The following DOCK3 variants were observed in gnomAD, a reference collection of about 807,000 sequenced individuals.
DOCK3 encodes the protein dedicator of cytokinesis 3.
Under a neutral mutation model 265.6 loss-of-function variants are expected in DOCK3, and 60 were observed. That is an observed-to-expected ratio of 0.23 (90% confidence interval 0.18 to 0.28). The LOEUF is 0.28. Ranked by LOEUF, DOCK3 falls within the 10% of genes least tolerant of loss-of-function variation. The probability of loss-of-function intolerance (pLI) is 1.00; values close to 1 mark genes in which losing one functional copy is unlikely to be tolerated. For synonymous variants in DOCK3, 881 were observed against 938.0 expected (o/e 0.94, Z 1.11); for missense variants, 1,981 against 2,594.3 (o/e 0.76, Z 5.14).
chr3:50,719,213 CAT>C (rs1202299358), intron 1 of DOCK3, among the ~76,000 whole-genome samples: 3 of 150,822 alleles, frequency 2.0e-5, no homozygotes, highest in Non-Finnish European at 4.4e-5. Flanking sequence ...TCAAGTTTTA[CAT>C]GTCTATTATA....
intron 7 of DOCK3, among the ~76,000 whole-genome samples, chr3:51,081,317 A>G (rs988095022): frequency 3.9e-5 from 6 of 152,132 alleles, no homozygotes; most frequent in Non-Finnish European, 8.8e-5. Flanking sequence ...GAAATCTCTC[A>G]TTGTTTCGTT....
intron 27 of DOCK3, among the ~76,000 whole-genome samples, chr3:51,287,055 G>T (rs910162819): frequency 6.6e-6 from 1 of 152,252 alleles, no homozygotes; most frequent in Middle Eastern, 3.4e-3. Context: ...GAAAATATTT[G>T]CAAACTATGC....
chr3:51,191,556 C>A (rs1259449137), intron 12 of DOCK3, among the ~76,000 whole-genome samples: 1 of 151,890 alleles, frequency 6.6e-6, no homozygotes, highest in Non-Finnish European at 1.5e-5. Context: ...GGTGTATATC[C>A]TAGAGGCAGT....
intron 5 of DOCK3, among the ~76,000 whole-genome samples, chr3:50,956,515 C>T (rs1313241104): frequency 6.6e-6 from 1 of 152,096 alleles, no homozygotes; most frequent in Non-Finnish European, 1.5e-5. Context: ...GTGATTATAC[C>T]ACTACATACT....
At chr3:50,959,548 G>T (rs2076826342) in intron 5 of DOCK3, among the ~76,000 whole-genome samples, 1 of 142,624 alleles carries the variant, frequency 7.0e-6, no homozygotes, top group Non-Finnish European at 1.5e-5. Context: ...GTGTGTGTGT[G>T]TGTGTGTGTG....
chr3:51,012,539 G>A (rs182968053), intron 5 of DOCK3, among the ~76,000 whole-genome samples: 15 of 152,246 alleles, frequency 9.9e-5, no homozygotes, highest in Non-Finnish European at 1.6e-4. Flanking sequence ...TCCAGGTGCC[G>A]TGTGTCACAG....
At chr3:51,167,069 T>C (rs1487721380) in intron 12 of DOCK3, among the ~76,000 whole-genome samples, 1 of 152,242 alleles carries the variant, frequency 6.6e-6, no homozygotes, top group Non-Finnish European at 1.5e-5. Flanking sequence ...ATTTCTGTTT[T>C]CTCCTAGTTT....
chr3:51,318,081 C>T (rs1001922597), intron 32 of DOCK3, among the ~76,000 whole-genome samples: 2 of 152,004 alleles, frequency 1.3e-5, no homozygotes, highest in East Asian at 3.9e-4. Flanking sequence ...TGCAGTGATT[C>T]TATAAATCAA....
chr3:51,113,785 A>G (rs1459929953), intron 9 of DOCK3, among the ~76,000 whole-genome samples: 1 of 152,144 alleles, frequency 6.6e-6, no homozygotes, highest in African/African-American at 2.4e-5. Context: ...TTGCTATTTG[A>G]AGTTTGATTC....
At chr3:51,210,696 CT>C (rs1427238804) in intron 13 of DOCK3, among the ~76,000 whole-genome samples, 3 of 152,156 alleles carry the variant, frequency 2.0e-5, no homozygotes, top group Admixed American at 2.0e-4. Context: ...CTTTATTAGT[CT>C]GCTTAATTAA....
chr3:51,277,911 C>G (rs2080901241), intron 26 of DOCK3, 157 bp downstream of exon 26: 13 of 985,250 alleles, frequency 1.3e-5, no homozygotes, highest in South Asian at 4.7e-5. Flanking sequence ...GAGTCTGACT[C>G]TCCTCTCTAC....
intron 4 of DOCK3, among the ~76,000 whole-genome samples, chr3:50,897,466 C>A (rs541073004): frequency 3.9e-5 from 6 of 152,128 alleles, no homozygotes; most frequent in Admixed American, 2.0e-4. Flanking sequence ...ATTTGAATAC[C>A]CTTTATTTCT....
intron 7 of DOCK3, among the ~76,000 whole-genome samples, chr3:51,086,055 C>T (rs573357026): frequency 7.2e-4 from 109 of 152,262 alleles, no homozygotes; most frequent in Non-Finnish European, 1.2e-3. Flanking sequence ...TCACAGCCTT[C>T]AGAGCTGAGA....
chr3:51,218,593 G>C (rs931290500), intron 14 of DOCK3, among the ~76,000 whole-genome samples: 5 of 152,080 alleles, frequency 3.3e-5, no homozygotes, highest in African/African-American at 1.2e-4. Flanking sequence ...GGAAATAAAG[G>C]GCTTTGTCGT....
intron 27 of DOCK3, among the ~76,000 whole-genome samples, chr3:51,288,616 A>T (rs1330342694): frequency 6.6e-6 from 1 of 152,154 alleles, no homozygotes; most frequent in Non-Finnish European, 1.5e-5. Flanking sequence ...AAAAAAGCTA[A>T]CATAAAGGCT....
chr3:50,975,565 G>A (rs897810326), intron 5 of DOCK3, among the ~76,000 whole-genome samples: 1 of 151,064 alleles, frequency 6.6e-6, no homozygotes, highest in African/African-American at 2.4e-5. Flanking sequence ...GAGGATTTTT[G>A]CATCAATGTT....
At chr3:51,319,932 A>G (rs1166511340) in intron 32 of DOCK3, among the ~76,000 whole-genome samples, 1 of 152,054 alleles carries the variant, frequency 6.6e-6, no homozygotes, top group Non-Finnish European at 1.5e-5. Context: ...CCATAATCCT[A>G]CCATTGTTAA....
chr3:50,700,668 T>G (rs1176548850), intron 1 of DOCK3, among the ~76,000 whole-genome samples: 2 of 55,752 alleles, frequency 3.6e-5, no homozygotes, highest in African/African-American at 8.7e-5. Context: ...CACATTATCT[T>G]TATCCATATC....
intron 3 of DOCK3, among the ~76,000 whole-genome samples, chr3:50,865,072 G>A (rs1293121943): frequency 1.2e-4 from 18 of 151,936 alleles, no homozygotes; most frequent in Non-Finnish European, 2.6e-4. Context: ...TTTGATACAG[G>A]CATGCAATGT....
Sources: allele counts gnomAD v4.1 joint callset (sites outside exome capture counted in the v4.1 genomes callset), GRCh38; gene constraint gnomAD v4.1.1; transcripts MANE v1.5; gene names NCBI Gene and HGNC (gene_info 2026-07-23, HGNC 2026-07-21).